CELF4: variants seen among roughly 807,000 people sequenced by gnomAD.
CELF4 encodes CUG-BP- and ETR-3-like factor 4.
CELF4 carries 18 observed loss-of-function variants against 59.9 expected under a neutral mutation model. That is an observed-to-expected ratio of 0.30 (90% confidence interval 0.21 to 0.45). The LOEUF is 0.45. Ranked by LOEUF, CELF4 falls within the 20% of genes least tolerant of loss-of-function variation. CELF4 has a pLI of 1.00. For synonymous variants in CELF4, 261 were observed against 267.1 expected (o/e 0.98, Z 0.22); for missense variants, 456 against 689.0 (o/e 0.66, Z 3.79).
chr18:37,427,899 C>T (rs11659413), intron 2 of CELF4, among the ~76,000 whole-genome samples: 52,799 of 152,088 alleles, frequency 0.35, 10,290 homozygotes, highest in South Asian at 0.61. Context: ...TCCTCCTGGT[C>T]CCCAAATATA....
intron 3 of CELF4, among the ~76,000 whole-genome samples, chr18:37,282,029 C>T (rs1213317204): frequency 1.3e-5 from 2 of 152,212 alleles, no homozygotes; most frequent in Admixed American, 1.3e-4. Context: ...AGTTCCACCA[C>T]ATTTTGGCTG....
At chr18:37,561,605 TGTG>T (rs1241310256) in intron 1 of CELF4, among the ~76,000 whole-genome samples, 3 of 152,174 alleles carry the variant, frequency 2.0e-5, no homozygotes, top group Non-Finnish European at 4.4e-5. Context: ...CCACTGTTTA[TGTG>T]AGTGTTAACA....
At chr18:37,555,485 A>G (rs2099984511) in intron 1 of CELF4, among the ~76,000 whole-genome samples, 1 of 152,140 alleles carries the variant, frequency 6.6e-6, no homozygotes, top group Non-Finnish European at 1.5e-5. Context: ...CCCACCATGA[A>G]AAGCTCTCCC....
At chr18:37,282,024 C>T (rs1361940094) in intron 3 of CELF4, among the ~76,000 whole-genome samples, 1 of 152,226 alleles carries the variant, frequency 6.6e-6, no homozygotes, top group East Asian at 1.9e-4. Flanking sequence ...ATCCTAGTTC[C>T]ACCACATTTT....
rs2097138912 is a variant in CELF4 at position 37,321,960 on chromosome 18, G to A, written c.370-79C>T. ...AGACACCCAGCACTCAGGTGCACAG[G>A]TGAATGCGAGTATACAGACTGCACC... On this transcript the variant is annotated intron_variant, in intron 2 of 12. Transcript: ENST00000420428. 14 of 1,134,808 alleles carry A rather than the reference G, an allele frequency of 1.2e-5. 1 individual carries two copies. The Middle Eastern group carries it at 6.0e-4, about 49-fold the overall frequency. The allele number at this position is 1,134,808 out of a possible 1,614,324, so 70.3% of individuals were successfully genotyped here. A position where few individuals can be genotyped will look rare whatever the true frequency, so the allele number is the denominator to read the frequency against.
intron 2 of CELF4, among the ~76,000 whole-genome samples, chr18:37,483,572 T>A (rs564695978): frequency 6.6e-6 from 1 of 152,312 alleles, no homozygotes; most frequent in South Asian, 2.1e-4. Context: ...CTTACTCAAC[T>A]TGTCTTTGTG....
chr18:37,420,366 C>G lies in CELF4; in HGVS notation c.369+65159G>C, dbSNP rs150275289. 7.9e-3 allele frequency among the ~76,000 whole-genome samples: 1,204 copies of G among 152,344 alleles called. 10 individuals are homozygous for G. Among genetic ancestry groups the G allele is most frequent in the Admixed American group, 0.021 (325 of 15,310 alleles). ...CTGGTAAGAGGATGACAGCACTTAGCTCACAGTTCCGATGAGGAGTGAATG... is the reference window on the plus strand; with the variant it reads ...CTGGTAAGAGGATGACAGCACTTAGGTCACAGTTCCGATGAGGAGTGAATG... On this transcript the variant is annotated intron_variant, in intron 2 of 12. Transcript: ENST00000420428.
intron 2 of CELF4, among the ~76,000 whole-genome samples, chr18:37,366,628 T>G (rs2098787871): frequency 6.6e-6 from 1 of 151,878 alleles, no homozygotes; most frequent in South Asian, 2.1e-4. Context: ...GAAGGTGGAG[T>G]TTCTCATCTG....
rs955327204 is a variant in CELF4 at position 37,361,874 on chromosome 18, A to G, written c.370-39993T>C. On this transcript the variant is annotated intron_variant, in intron 2 of 12. Coordinates refer to ENST00000420428, the MANE Select transcript of CELF4 (RefSeq NM_020180.4). ...GAGGCATTAGGGAGGGGGGCGGGGG[A>G]TTCCTTCCCAGCGCTTGAGAGCACC... Among the ~76,000 whole-genome samples the G allele has an allele frequency of 4.6e-4, 70 of 150,858 alleles. 1 individual carries two copies. The highest frequency in any genetic ancestry group is 7.9e-4 in the Admixed American group (12 of 15,184).
chr18:37,279,345 TGTG>T (rs990122806), intron 3 of CELF4, among the ~76,000 whole-genome samples: 14 of 149,070 alleles, frequency 9.4e-5, no homozygotes, highest in African/African-American at 3.4e-4. Flanking sequence ...GGCCCAGAGA[TGTG>T]GTGAGCAACT....
At chr18:37,448,820 C>G (rs1396285282) in intron 2 of CELF4, among the ~76,000 whole-genome samples, 5 of 152,224 alleles carry the variant, frequency 3.3e-5, no homozygotes, top group Admixed American at 3.3e-4. Flanking sequence ...GGACCTTGCT[C>G]TTCAGAATGT....
At chr18:37,266,160 G>A in intron 9 of CELF4, 1 of 378,740 alleles carries the variant, frequency 2.6e-6, no homozygotes, top group East Asian at 6.1e-5. Flanking sequence ...GCCCATGGTG[G>A]GCAGCATCCA....
chr18:37,545,899 C>T (rs7506216), intron 1 of CELF4, among the ~76,000 whole-genome samples: 36,984 of 152,062 alleles, frequency 0.24, 4,740 homozygotes, highest in Admixed American at 0.32. Context: ...CCACAGATGG[C>T]CCAGCCATGC....
chr18:37,334,923 T>C (rs2097709503), intron 2 of CELF4, among the ~76,000 whole-genome samples: 2 of 152,140 alleles, frequency 1.3e-5, no homozygotes, highest in Admixed American at 6.5e-5. Flanking sequence ...TGAGTCATCC[T>C]AGAAATGGCA....
intron 3 of CELF4, among the ~76,000 whole-genome samples, chr18:37,293,373 G>C (rs1012070901): frequency 6.6e-6 from 1 of 152,122 alleles, no homozygotes; most frequent in Non-Finnish European, 1.5e-5. Context: ...TTGTAGCTGC[G>C]TCACTCCAGT....
chr18:37,454,888 C>T (rs2099773935), intron 2 of CELF4, among the ~76,000 whole-genome samples: 1 of 152,192 alleles, frequency 6.6e-6, no homozygotes, highest in African/African-American at 2.4e-5. Context: ...GAGCAGCCAT[C>T]AGTTAACTTA....
chr18:37,450,627 G>A (rs1228086988), intron 2 of CELF4, among the ~76,000 whole-genome samples: 1 of 152,060 alleles, frequency 6.6e-6, no homozygotes, highest in African/African-American at 2.4e-5. Flanking sequence ...CTCCATGGCT[G>A]GAATGTTGCC....
intron 3 of CELF4, among the ~76,000 whole-genome samples, chr18:37,298,335 G>A (rs1392365452): frequency 6.6e-6 from 1 of 152,200 alleles, no homozygotes; most frequent in Non-Finnish European, 1.5e-5. Context: ...CCTCCTGACT[G>A]TCCTCTGTGT....
chr18:37,359,150 G>A (rs1019922400), intron 2 of CELF4, among the ~76,000 whole-genome samples: 1 of 152,116 alleles, frequency 6.6e-6, no homozygotes, highest in Non-Finnish European at 1.5e-5. Context: ...TAAGTGAAAG[G>A]GTGATGTCAT....
Sources: gnomAD v4.1 joint callset for allele counts (sites outside exome capture counted in the v4.1 genomes callset) on GRCh38, gnomAD v4.1.1 for gene constraint, MANE v1.5 for transcripts, NCBI Gene and HGNC (gene_info 2026-07-23, HGNC 2026-07-21) for gene names.